MAPK6: variants seen among roughly 807,000 people sequenced by gnomAD.
MAPK6 encodes the protein mitogen-activated protein kinase 6.
MAPK6 carries 19 observed loss-of-function variants against 59.3 expected under a neutral mutation model. The ratio of observed to expected loss-of-function variants is 0.32; its 90% confidence interval spans 0.22 to 0.47. The LOEUF is 0.47. Among genes scored for constraint, MAPK6 ranks in the 20% least tolerant of loss-of-function variants. The pLI is 1.00. For synonymous variants in MAPK6, 316 were observed against 290.3 expected, an observed-to-expected ratio of 1.09 and a Z score of -0.90; for missense variants, 724 against 847.9, an observed-to-expected ratio of 0.85 and a Z score of 1.81.
intron 2 of MAPK6, among the ~76,000 whole-genome samples, chr15:51,989,823 C>T (rs1030030970): frequency 6.6e-6 from 1 of 152,096 alleles, no homozygotes; most frequent in South Asian, 2.1e-4. Context: ...AGGCTGGTCT[C>T]GAATGCTTGG....
At chr15:51,974,665 A>C (rs2141798271) in intron 1 of MAPK6, among the ~76,000 whole-genome samples, 1 of 149,558 alleles carries the variant, frequency 6.7e-6, no homozygotes, top group East Asian at 2.0e-4. Flanking sequence ...TCTCAAAAAA[A>C]AAAAAAAAAA....
chr15:52,006,035 G>A (rs1294464667), intron 3 of MAPK6, among the ~76,000 whole-genome samples: 2 of 152,120 alleles, frequency 1.3e-5, no homozygotes, highest in African/African-American at 4.8e-5. Flanking sequence ...CAAAAATATG[G>A]CAAATGAGTT....
At chr15:51,981,362 A>G (rs542082020) in intron 1 of MAPK6, among the ~76,000 whole-genome samples, 2 of 151,378 alleles carry the variant, frequency 1.3e-5, no homozygotes, top group East Asian at 2.0e-4. Flanking sequence ...AGTCCCAGCT[A>G]CTCCGGAGGC....
At chr15:52,024,878 CTTTTTTTT>C (rs35983896) in intron 1 of MAPK6, among the ~76,000 whole-genome samples, 2 of 84,150 alleles carry the variant, frequency 2.4e-5, no homozygotes, top group South Asian at 5.0e-4. Context: ...CATACACTGC[CTTTTTTTT>C]TTTTTTTTTT....
At chr15:52,019,444 CCGG>C (rs879025418) in intron 1 of MAPK6, 68 bp downstream of exon 1, 7,807 of 146,432 alleles carry the variant, frequency 0.053, 391 homozygotes, top group African/African-American at 0.12. Flanking sequence ...CGCGGCGGGC[CCGG>C]CGGCGGCGGC....
At chr15:52,039,434 A>C (rs1363949865) in intron 1 of MAPK6, among the ~76,000 whole-genome samples, 1 of 152,116 alleles carries the variant, frequency 6.6e-6, no homozygotes, top group Non-Finnish European at 1.5e-5. Flanking sequence ...GAAAGCCCCT[A>C]ATGTTAAAAT....
chr15:51,984,438 C>G (rs1481764314), intron 2 of MAPK6, among the ~76,000 whole-genome samples: 2 of 139,558 alleles, frequency 1.4e-5, no homozygotes, highest in African/African-American at 5.8e-5. Context: ...CCTGCCAACA[C>G]GCCGGCTAAT....
At chr15:52,055,799 G>A (rs1033318477) in intron 3 of MAPK6, among the ~76,000 whole-genome samples, 1 of 152,196 alleles carries the variant, frequency 6.6e-6, no homozygotes, top group Non-Finnish European at 1.5e-5. Context: ...ACAGGTGTGA[G>A]CCACTGCTCT....
At chr15:51,996,363 C>T (rs940311787) in intron 2 of MAPK6, among the ~76,000 whole-genome samples, 2 of 152,112 alleles carry the variant, frequency 1.3e-5, no homozygotes, top group South Asian at 2.1e-4. Context: ...TGGCTGTGTC[C>T]CCTGGTGGAA....
intron 1 of MAPK6, among the ~76,000 whole-genome samples, chr15:51,973,752 G>A (rs1024079089): frequency 5.3e-5 from 8 of 151,582 alleles, no homozygotes; most frequent in Non-Finnish European, 8.8e-5. Context: ...TCCCGGGTTC[G>A]AGTGATTCTC....
rs1463878302 is a variant in MAPK6, at chr15:52,020,742, G to A, written c.-632+1366G>A. ...TGTTTAAAAAATAATTTTGAATTGGGTGAAAGGAACTTTGTCTTTAGATAG... is the reference window on the plus strand; with the variant it reads ...TGTTTAAAAAATAATTTTGAATTGGATGAAAGGAACTTTGTCTTTAGATAG... On this transcript the variant is annotated intron_variant, in intron 1 of 5. Transcript: ENST00000261845. Among the ~76,000 whole-genome samples the A allele has an allele frequency of 3.3e-5, 5 of 152,352 alleles. No homozygotes were observed. The East Asian group carries it at 9.6e-4, about 29-fold the overall frequency.
At chr15:51,996,327 A>AG (rs1270040548) in intron 2 of MAPK6, among the ~76,000 whole-genome samples, 1 of 152,188 alleles carries the variant, frequency 6.6e-6, no homozygotes, top group African/African-American at 2.4e-5. Flanking sequence ...CCCAGATGGC[A>AG]GCTTTTGCTA....
At chr15:52,023,759 G>C (rs992900975) in intron 1 of MAPK6, among the ~76,000 whole-genome samples, 2 of 152,062 alleles carry the variant, frequency 1.3e-5, no homozygotes, top group African/African-American at 4.8e-5. Flanking sequence ...CTACAGGTGC[G>C]CACCACCATG....
Position 52,065,987 on chromosome 15 carries a change from A to G in MAPK6, c.*987A>G, listed in dbSNP as rs2032409665. 6.6e-6 allele frequency: 1 copy of G among 151,692 alleles called. No individual in the cohort carries two copies. The highest frequency in any genetic ancestry group is 1.5e-5 in the Non-Finnish European group (1 of 67,374). 9.4% of individuals were successfully genotyped at this position (151,692 alleles called of 1,614,324 possible). On this transcript the variant is annotated 3_prime_UTR_variant, in exon 6 of 6. Coordinates refer to ENST00000261845, the MANE Select transcript of MAPK6 (RefSeq NM_002748.4). The stretch of plus-strand genomic sequence containing the variant: ...TTAATTGTGTTTATTTTTTAAAAAA[A>G]CAAATGTTAGACTTGTGTGCATGGA...
intron 1 of MAPK6, among the ~76,000 whole-genome samples, chr15:52,037,664 T>A (rs1164157137): frequency 6.6e-6 from 1 of 152,216 alleles, no homozygotes; most frequent in Admixed American, 6.5e-5. Flanking sequence ...ACCTGTGCAT[T>A]CGCATAGAGT....
intron 1 of MAPK6, among the ~76,000 whole-genome samples, chr15:52,021,784 G>A (rs943182476): frequency 2.0e-5 from 3 of 152,090 alleles, no homozygotes. Context: ...GTTTCACTCA[G>A]AATTATTAAA....
chr15:52,023,469 C>A (rs1056802664), intron 1 of MAPK6, among the ~76,000 whole-genome samples: 1 of 152,194 alleles, frequency 6.6e-6, no homozygotes, highest in African/African-American at 2.4e-5. Flanking sequence ...TAGTTAATGG[C>A]ATTTTCCAGG....
intron 2 of MAPK6, among the ~76,000 whole-genome samples, chr15:51,992,131 T>C (rs995384625): frequency 4.0e-5 from 6 of 151,706 alleles, no homozygotes; most frequent in African/African-American, 7.3e-5. Context: ...TCGTTGTTTG[T>C]ATTTTTTGTA....
chr15:52,060,622 A>G (rs1190196038), intron 4 of MAPK6, among the ~76,000 whole-genome samples: 1 of 152,168 alleles, frequency 6.6e-6, no homozygotes, highest in Non-Finnish European at 1.5e-5. Flanking sequence ...TGGTGTAAAT[A>G]TAGCTTTCAG....
Sources: gnomAD v4.1 joint callset for allele counts (sites outside exome capture counted in the v4.1 genomes callset) on GRCh38, gnomAD v4.1.1 for gene constraint, MANE v1.5 for transcripts, NCBI Gene and HGNC (gene_info 2026-07-23, HGNC 2026-07-21) for gene names.